AGBL1: variants seen among roughly 807,000 people sequenced by gnomAD.
AGBL1 encodes AGBL carboxypeptidase 1.
A neutral mutation model predicts 118.9 loss-of-function variants in AGBL1; 130 were observed. The observed-to-expected ratio is 1.09, with a 90% CI of 0.95 to 1.26. AGBL1 has a LOEUF of 1.26. Ranked by LOEUF, AGBL1 falls within the 50% of genes most tolerant of loss-of-function variation. The probability of loss-of-function intolerance (pLI) is 0.00; values close to 1 mark genes in which losing one functional copy is unlikely to be tolerated. For missense variants in AGBL1, 1,584 were observed against 1,298.1 expected, an observed-to-expected ratio of 1.22 and a Z score of -3.38; for synonymous variants, 555 against 478.9, an observed-to-expected ratio of 1.16 and a Z score of -2.08.
chr15:86,751,150 T>C (rs1185340333), intron 22 of AGBL1, among the ~76,000 whole-genome samples: 2 of 152,100 alleles, frequency 1.3e-5, no homozygotes, highest in Non-Finnish European at 2.9e-5. Flanking sequence ...AGTAATGGGA[T>C]TGCTGGGTCG....
At chr15:86,688,563 C>G (rs1300897221) in intron 22 of AGBL1, among the ~76,000 whole-genome samples, 1 of 152,058 alleles carries the variant, frequency 6.6e-6, no homozygotes, top group East Asian at 1.9e-4. Flanking sequence ...GAGTGTGATG[C>G]AGATGTCAGG....
In AGBL1 at chr15:86,748,474, TC is replaced by T. The variant is rs1169392907; in HGVS notation, c.3158+74039del. On this transcript the variant is annotated intron_variant, in intron 22 of 22. Coordinates refer to ENST00000614907, the MANE Select transcript of AGBL1 (RefSeq NM_001386094.1). ...GTAGTTTCTTTTGTTGTGCAGAAGC[TC>T]TTTAGTTGAATTAGATCCCATTTGT... Among the ~76,000 whole-genome samples the T allele has an allele frequency of 3.3e-4, 48 of 145,102 alleles. 1 individual carries two copies. In the East Asian group the frequency reaches 9.5e-3, roughly 29 times the overall value.
intron 22 of AGBL1, among the ~76,000 whole-genome samples, chr15:86,891,448 C>T (rs1000543587): frequency 6.6e-6 from 1 of 152,014 alleles, no homozygotes; most frequent in African/African-American, 2.4e-5. Context: ...ATGTGTCCCA[C>T]TGCTTGAGGG....
At chr15:86,120,709 G>T (rs1260900382) in intron 1 of AGBL1, among the ~76,000 whole-genome samples, 1 of 152,098 alleles carries the variant, frequency 6.6e-6, no homozygotes, top group Non-Finnish European at 1.5e-5. Context: ...TCTCAATAAA[G>T]GTATTTTGGT....
chr15:86,502,383 G>T (rs2082927736), intron 18 of AGBL1, among the ~76,000 whole-genome samples: 2 of 151,382 alleles, frequency 1.3e-5, no homozygotes, highest in Admixed American at 6.6e-5. Context: ...TGCAAATAAA[G>T]ATAGTATTAC....
chr15:86,446,534 T>C (rs1479812386), intron 18 of AGBL1, among the ~76,000 whole-genome samples: 1 of 152,232 alleles, frequency 6.6e-6, no homozygotes, highest in Non-Finnish European at 1.5e-5. Flanking sequence ...GTCACACTTA[T>C]GCAAATGCCT....
chr15:86,465,116 A>G (rs2082386716), intron 18 of AGBL1, among the ~76,000 whole-genome samples: 1 of 152,198 alleles, frequency 6.6e-6, no homozygotes, highest in African/African-American at 2.4e-5. Context: ...ATGGCAGAAC[A>G]TCATAAATTG....
At chr15:86,701,497 T>C (rs907967443) in intron 22 of AGBL1, among the ~76,000 whole-genome samples, 4 of 152,114 alleles carry the variant, frequency 2.6e-5, no homozygotes, top group Non-Finnish European at 5.9e-5. Flanking sequence ...TGTGGGTAAA[T>C]CAAGATTAAA....
chr15:86,367,223 A>G (rs2080901734), intron 17 of AGBL1, among the ~76,000 whole-genome samples: 1 of 152,218 alleles, frequency 6.6e-6, no homozygotes, highest in South Asian at 2.1e-4. Context: ...TTTATCCAAA[A>G]ACTAAACAAT....
chr15:86,749,074 G>C (rs1339951239), intron 22 of AGBL1, among the ~76,000 whole-genome samples: 2 of 152,010 alleles, frequency 1.3e-5, no homozygotes, highest in African/African-American at 2.4e-5. Context: ...GATGGGGATG[G>C]GATTGAATTT....
chr15:86,622,343 A>AGAAAAAAAAAATT (rs2084822073), intron 21 of AGBL1, among the ~76,000 whole-genome samples: 1 of 151,686 alleles, frequency 6.6e-6, no homozygotes, highest in Non-Finnish European at 1.5e-5. Context: ...AAAAAAAAAA[A>AGAAAAAAAAAATT]AAGGGGGTAG....
chr15:86,769,121 A>C (rs1211150745), intron 22 of AGBL1, among the ~76,000 whole-genome samples: 2 of 149,528 alleles, frequency 1.3e-5, no homozygotes, highest in South Asian at 2.1e-4. Flanking sequence ...AATGGGATAC[A>C]TTACAGGAGA....
intron 22 of AGBL1, among the ~76,000 whole-genome samples, chr15:86,891,458 G>A (rs1017277001): frequency 1.3e-5 from 2 of 151,750 alleles, no homozygotes; most frequent in African/African-American, 4.8e-5. Context: ...CTGCTTGAGG[G>A]AATGTATTAT....
At chr15:86,727,669 CTAA>C (rs2086841124) in intron 22 of AGBL1, among the ~76,000 whole-genome samples, 1 of 152,138 alleles carries the variant, frequency 6.6e-6, no homozygotes, top group African/African-American at 2.4e-5. Flanking sequence ...TAGAGTTTAT[CTAA>C]TAATAATGGG....
chr15:86,259,051 C>T (rs2078942033), intron 9 of AGBL1, among the ~76,000 whole-genome samples: 1 of 152,210 alleles, frequency 6.6e-6, no homozygotes, highest in Admixed American at 6.5e-5. Context: ...ATATAGTTTA[C>T]TGACTGTTTT....
chr15:86,494,531 T>C (rs1388838430), intron 18 of AGBL1, among the ~76,000 whole-genome samples: 2 of 152,114 alleles, frequency 1.3e-5, no homozygotes, highest in African/African-American at 4.8e-5. Context: ...GTCTCCAGTC[T>C]GGGTTGAGGA....
intron 17 of AGBL1, among the ~76,000 whole-genome samples, chr15:86,367,935 C>T (rs2080915778): frequency 6.6e-6 from 1 of 152,138 alleles, no homozygotes; most frequent in Non-Finnish European, 1.5e-5. Flanking sequence ...TAGCATTTTA[C>T]TCCTAGGCTA....
At chr15:86,564,173 A>T (rs949800865) in intron 21 of AGBL1, among the ~76,000 whole-genome samples, 33 of 152,196 alleles carry the variant, frequency 2.2e-4, no homozygotes, top group African/African-American at 7.0e-4. Context: ...TCCTGTCATT[A>T]TAATGTTAAC....
chr15:86,407,909 T>G (rs1306788083), intron 18 of AGBL1, among the ~76,000 whole-genome samples: 4 of 152,102 alleles, frequency 2.6e-5, no homozygotes, highest in Non-Finnish European at 4.4e-5. Context: ...ATTCCCTGTA[T>G]GCCTATGGGT....
Sources: gnomAD v4.1 joint callset for allele counts (sites outside exome capture counted in the v4.1 genomes callset) on GRCh38, gnomAD v4.1.1 for gene constraint, MANE v1.5 for transcripts, NCBI Gene and HGNC (gene_info 2026-07-23, HGNC 2026-07-21) for gene names.